ASIC2: variants seen among roughly 807,000 people sequenced by gnomAD.
ASIC2 encodes acid-sensing ion channel 2.
In ASIC2, 25 loss-of-function variants were observed where a neutral mutation model predicts 57.3. The ratio of observed to expected loss-of-function variants is 0.44; its 90% confidence interval spans 0.32 to 0.61. ASIC2 has a LOEUF of 0.61. Ranked by LOEUF, ASIC2 falls within the 20% of genes least tolerant of loss-of-function variation. The pLI, the probability that ASIC2 is intolerant of heterozygous loss-of-function variation, is 0.06. For missense variants in ASIC2, 641 were observed against 738.1 expected (o/e 0.87, Z 1.52); for synonymous variants, 319 against 307.5 (o/e 1.04, Z -0.39).
chr17:33,270,173 C>T (rs183212695), intron 1 of ASIC2, among the ~76,000 whole-genome samples: 37 of 152,236 alleles, frequency 2.4e-4, no homozygotes, highest in Non-Finnish European at 4.3e-4. Context: ...CCTTTTTCTC[C>T]GACCACCCAC....
At chr17:33,660,112 C>A (rs909760063) in intron 1 of ASIC2, among the ~76,000 whole-genome samples, 6 of 151,476 alleles carry the variant, frequency 4.0e-5, no homozygotes, top group Non-Finnish European at 8.8e-5. Flanking sequence ...AAATGATACA[C>A]CCCTATAGGG....
At chr17:33,081,771 G>C (rs977086819) in intron 3 of ASIC2, among the ~76,000 whole-genome samples, 2 of 152,192 alleles carry the variant, frequency 1.3e-5, no homozygotes, top group Non-Finnish European at 2.9e-5. Context: ...TAGGGGTGGG[G>C]TGAGGGATAC....
At chr17:33,111,804 C>T in intron 2 of ASIC2, 113 bp downstream of exon 2, 3 of 1,433,274 alleles carry the variant, frequency 2.1e-6, no homozygotes, top group Non-Finnish European at 2.8e-6. Context: ...TCACAAACCC[C>T]TTGCTGGAGA....
intron 3 of ASIC2, among the ~76,000 whole-genome samples, chr17:33,069,266 T>C (rs2092057527): frequency 6.6e-6 from 1 of 152,236 alleles, no homozygotes; most frequent in Non-Finnish European, 1.5e-5. Flanking sequence ...ATGGTCTATC[T>C]TGGTAAGCGT....
chr17:33,209,323 G>A (rs1907185851), intron 1 of ASIC2, among the ~76,000 whole-genome samples: 1 of 152,086 alleles, frequency 6.6e-6, no homozygotes, highest in African/African-American at 2.4e-5. Flanking sequence ...TTATGAGCAA[G>A]TCTATAGGTC....
At chr17:33,243,098 T>C (rs540818827) in intron 1 of ASIC2, among the ~76,000 whole-genome samples, 4 of 152,336 alleles carry the variant, frequency 2.6e-5, no homozygotes, top group African/African-American at 7.2e-5. Flanking sequence ...AGAGATACCA[T>C]GCAGGGCTCT....
At chr17:33,883,682 T>G (rs529889361) in intron 1 of ASIC2, among the ~76,000 whole-genome samples, 1 of 152,304 alleles carries the variant, frequency 6.6e-6, no homozygotes, top group East Asian at 1.9e-4. Flanking sequence ...ACGGACCCTG[T>G]AAGAACAAGA....
chr17:33,573,090 G>A (rs1916503403), intron 1 of ASIC2, among the ~76,000 whole-genome samples: 1 of 152,116 alleles, frequency 6.6e-6, no homozygotes, highest in African/African-American at 2.4e-5. Context: ...ATCTTCAGAG[G>A]GGCCACAATG....
At chr17:33,947,748 G>A (rs1440868632) in intron 1 of ASIC2, among the ~76,000 whole-genome samples, 3 of 152,164 alleles carry the variant, frequency 2.0e-5, no homozygotes, top group Non-Finnish European at 4.4e-5. Context: ...AAGATAAGTT[G>A]TGTTCAATTT....
At chr17:33,347,220 G>A (rs1907984339) in intron 1 of ASIC2, among the ~76,000 whole-genome samples, 1 of 152,166 alleles carries the variant, frequency 6.6e-6, no homozygotes, top group South Asian at 2.1e-4. Context: ...CACGAGGAAA[G>A]GCAGAGAAGA....
chr17:33,584,198 G>A (rs1904538726), intron 1 of ASIC2, among the ~76,000 whole-genome samples: 1 of 152,146 alleles, frequency 6.6e-6, no homozygotes, highest in African/African-American at 2.4e-5. Flanking sequence ...TGTTCACTAA[G>A]CATTTCACAT....
intron 2 of ASIC2, among the ~76,000 whole-genome samples, chr17:33,092,421 G>A (rs1229054302): frequency 6.6e-6 from 1 of 152,198 alleles, no homozygotes; most frequent in Non-Finnish European, 1.5e-5. Context: ...TTAGAGCCAA[G>A]GCAACTTCAC....
chr17:33,503,518 A>G (rs1364199312), intron 1 of ASIC2, among the ~76,000 whole-genome samples: 1 of 152,112 alleles, frequency 6.6e-6, no homozygotes, highest in East Asian at 1.9e-4. Flanking sequence ...CCAGTAACAA[A>G]GGCAACCCTG....
At chr17:33,593,903 C>T (rs1189494687) in intron 1 of ASIC2, among the ~76,000 whole-genome samples, 1 of 152,210 alleles carries the variant, frequency 6.6e-6, no homozygotes, top group Non-Finnish European at 1.5e-5. Context: ...ACCCCATTCC[C>T]TAGGCCTGCT....
chr17:33,050,326 T>G (rs752438330), intron 3 of ASIC2, among the ~76,000 whole-genome samples: 2 of 152,152 alleles, frequency 1.3e-5, no homozygotes, highest in Non-Finnish European at 2.9e-5. Context: ...CGGCATCCCT[T>G]CTCTTGTATG....
At position 33,161,854 on chromosome 17, in the gene ASIC2, T is replaced by G. The variant is rs556836920; in HGVS notation, c.709-49787A>C. 2.2e-5 allele frequency among the ~76,000 whole-genome samples: 3 copies of G among 135,282 alleles called. No homozygotes were observed. In the East Asian group the frequency reaches 6.6e-4, roughly 30 times the overall value. 88.8% of individuals were successfully genotyped at this position (135,282 alleles called of 152,430 possible). On this transcript the variant is annotated intron_variant, in intron 1 of 9. Transcript: ENST00000225823. ...GAATAAGTAATAAAGCCAGAATTCCTAGGTTTTTTTTTTTTTTTTTTTTTT... is the reference window on the plus strand; with the variant it reads ...GAATAAGTAATAAAGCCAGAATTCCGAGGTTTTTTTTTTTTTTTTTTTTTT...
intron 1 of ASIC2, among the ~76,000 whole-genome samples, chr17:33,414,970 C>T (rs745425686): frequency 1.1e-4 from 16 of 152,240 alleles, no homozygotes; most frequent in Non-Finnish European, 1.8e-4. Context: ...ACCCTCCTCA[C>T]ATGTTGGTGG....
chr17:33,579,661 C>T (rs550244346), intron 1 of ASIC2, among the ~76,000 whole-genome samples: 6 of 152,154 alleles, frequency 3.9e-5, no homozygotes, highest in Admixed American at 1.3e-4. Context: ...TGGTGGGCTC[C>T]TGGTCTGGCA....
rs143019169 is a variant in ASIC2, at chr17:33,847,731, G to A, written c.555+308247C>T. On this transcript the variant is annotated intron_variant, in intron 1 of 9. Transcript: ENST00000359872. ...TGTTATCAAAGATAGTCTAGAGGAA[G>A]AGGCAGATGAGCAAATGACAAGGCC... Among the ~76,000 whole-genome samples the A allele has an allele frequency of 3.7e-3, 559 of 152,332 alleles. 1 individual carries two copies. Among genetic ancestry groups the A allele is most frequent in the Middle Eastern group, 6.8e-3 (2 of 294 alleles).
Sources: allele counts gnomAD v4.1 joint callset (sites outside exome capture counted in the v4.1 genomes callset), GRCh38; gene constraint gnomAD v4.1.1; transcripts MANE v1.5; gene names NCBI Gene and HGNC (gene_info 2026-07-23, HGNC 2026-07-21).